The following ZFHX3 variants were observed in gnomAD, a reference collection of about 807,000 sequenced individuals.
ZFHX3 encodes zinc finger homeobox protein 3.
Under a neutral mutation model 279.1 loss-of-function variants are expected in ZFHX3, and 42 were observed. The ratio of observed to expected loss-of-function variants is 0.15; its 90% confidence interval spans 0.12 to 0.19. The LOEUF (loss-of-function observed/expected upper bound fraction) is 0.19. Among genes scored for constraint, ZFHX3 ranks in the 10% least tolerant of loss-of-function variants. ZFHX3 has a pLI of 1.00. For missense variants in ZFHX3, 4,981 were observed against 4,754.0 expected (o/e 1.05, Z -1.40); for synonymous variants, 2,293 against 1,957.8 (o/e 1.17, Z -4.52).
At chr16:73,285,260 G>C (rs1219077730) in intron 4 of ZFHX3, among the ~76,000 whole-genome samples, 1 of 152,212 alleles carries the variant, frequency 6.6e-6, no homozygotes, top group African/African-American at 2.4e-5. Flanking sequence ...GTGAGGCAGT[G>C]CCCACAAGGC....
chr16:73,222,329 C>G (rs895454665), intron 5 of ZFHX3, among the ~76,000 whole-genome samples: 2 of 151,824 alleles, frequency 1.3e-5, no homozygotes, highest in East Asian at 3.9e-4. Flanking sequence ...TGAAAAAAAT[C>G]AACAAAAAGC....
chr16:73,886,644 C>G (rs1567440451), intron 1 of ZFHX3, among the ~76,000 whole-genome samples: 1 of 152,180 alleles, frequency 6.6e-6, no homozygotes, highest in African/African-American at 2.4e-5. Flanking sequence ...CGACACTGAC[C>G]ATTAATCTAG....
chr16:73,610,739 G>C (rs538220541), intron 2 of ZFHX3, among the ~76,000 whole-genome samples: 1 of 152,314 alleles, frequency 6.6e-6, no homozygotes, highest in South Asian at 2.1e-4. Context: ...GATAGAAAGG[G>C]ATTGTTACAT....
intron 1 of ZFHX3, among the ~76,000 whole-genome samples, chr16:72,965,356 G>A (rs913134500): frequency 6.6e-6 from 1 of 152,154 alleles, no homozygotes; most frequent in African/African-American, 2.4e-5. Context: ...GAGAGTGATG[G>A]GGGTGAGGGG....
chr16:72,965,161 G>A (rs1370880111), intron 1 of ZFHX3, among the ~76,000 whole-genome samples: 2 of 152,218 alleles, frequency 1.3e-5, no homozygotes, highest in Non-Finnish European at 1.5e-5. Context: ...TTACAGGCGT[G>A]AGCCACCGCA....
intron 4 of ZFHX3, among the ~76,000 whole-genome samples, chr16:72,869,933 T>A (rs181158803): frequency 2.6e-5 from 4 of 152,158 alleles, no homozygotes; most frequent in Admixed American, 2.6e-4. Context: ...CATGAAACAA[T>A]ACACGAGAAA....
At chr16:73,886,892 A>G (rs1462432323) in intron 1 of ZFHX3, among the ~76,000 whole-genome samples, 1 of 152,250 alleles carries the variant, frequency 6.6e-6, no homozygotes, top group Non-Finnish European at 1.5e-5. Flanking sequence ...CTGAAGGACC[A>G]GTCTGTCACT....
chr16:73,517,295 T>C (rs1290957172), intron 2 of ZFHX3, among the ~76,000 whole-genome samples: 1 of 152,204 alleles, frequency 6.6e-6, no homozygotes, highest in African/African-American at 2.4e-5. Context: ...GGCTCACTCA[T>C]TTCCTTTGCA....
intron 5 of ZFHX3, among the ~76,000 whole-genome samples, chr16:73,161,419 C>T (rs574559299): frequency 2.0e-5 from 3 of 152,294 alleles, no homozygotes; most frequent in South Asian, 2.1e-4. Flanking sequence ...TCACATTCCA[C>T]GTGCATGCTC....
intron 4 of ZFHX3, among the ~76,000 whole-genome samples, chr16:73,289,342 G>A (rs943942794): frequency 3.9e-5 from 6 of 151,964 alleles, no homozygotes; most frequent in Non-Finnish European, 8.8e-5. Flanking sequence ...AGGGTGGGGG[G>A]AGGTAGGTGG....
intron 1 of ZFHX3, among the ~76,000 whole-genome samples, chr16:73,831,314 T>C (rs988851527): frequency 6.6e-6 from 1 of 152,198 alleles, no homozygotes; most frequent in African/African-American, 2.4e-5. Flanking sequence ...GCAGGCCATG[T>C]GTCCACTCCG....
chr16:73,044,350 A>G (rs976728776), intron 1 of ZFHX3, among the ~76,000 whole-genome samples: 13 of 152,218 alleles, frequency 8.5e-5, no homozygotes, highest in African/African-American at 3.1e-4. Flanking sequence ...AGAGCAAGCC[A>G]ACAGGCCCAA....
intron 7 of ZFHX3, among the ~76,000 whole-genome samples, chr16:73,098,041 T>C (rs545972973): frequency 4.6e-5 from 7 of 151,714 alleles, no homozygotes; most frequent in Non-Finnish European, 7.4e-5. Flanking sequence ...TCAACATGAG[T>C]GTACAAGTAT....
At chr16:73,718,617 TA>T (rs879745303) in intron 1 of ZFHX3, among the ~76,000 whole-genome samples, 1,364 of 52,446 alleles carry the variant, frequency 0.026, 8 homozygotes, top group Non-Finnish European at 0.068. Flanking sequence ...ATTTATTATT[TA>T]TTTATTTATT....
Position 73,262,193 on chromosome 16 carries a change from TA to T in ZFHX3, c.-1193-5058del, listed in dbSNP as rs2013846180. Among the ~76,000 whole-genome samples the T allele has an allele frequency of 1.3e-5, 2 of 152,212 alleles. 1 individual carries two copies. The highest frequency in any genetic ancestry group is 4.1e-4 in the South Asian group (2 of 4,826). Reference sequence around the variant, plus strand: ...ATGAAAGAATGAATGGATGGATGGGTAAAGTTATAGGAGAACAAAGATGGGA... The same window carrying T: ...ATGAAAGAATGAATGGATGGATGGGTAAGTTATAGGAGAACAAAGATGGGA... On this transcript the variant is annotated intron_variant, in intron 4 of 17. Transcript: ENST00000641206.
chr16:73,302,233 TC>T (rs1320616622), intron 4 of ZFHX3, among the ~76,000 whole-genome samples: 1 of 152,104 alleles, frequency 6.6e-6, no homozygotes, highest in Non-Finnish European at 1.5e-5. Context: ...TGTATCTTTT[TC>T]CCTTCCTCCC....
At chr16:73,586,704 T>C (rs2051930782) in intron 2 of ZFHX3, among the ~76,000 whole-genome samples, 1 of 152,166 alleles carries the variant, frequency 6.6e-6, no homozygotes, top group Admixed American at 6.5e-5. Flanking sequence ...TCATTTATGT[T>C]ATTGGCAGAT....
At chr16:73,567,182 G>T (rs894816764) in intron 2 of ZFHX3, among the ~76,000 whole-genome samples, 2 of 152,120 alleles carry the variant, frequency 1.3e-5, no homozygotes, top group African/African-American at 4.8e-5. Flanking sequence ...CTAGTCATTG[G>T]ACACTAATCT....
chr16:73,533,191 T>C (rs1056198095), intron 2 of ZFHX3, among the ~76,000 whole-genome samples: 1 of 151,990 alleles, frequency 6.6e-6, no homozygotes, highest in Non-Finnish European at 1.5e-5. Context: ...AAACCATCAA[T>C]GCCTCTTCCC....
Sources: allele counts gnomAD v4.1 joint callset (sites outside exome capture counted in the v4.1 genomes callset), GRCh38; gene constraint gnomAD v4.1.1; transcripts MANE v1.5; gene names NCBI Gene and HGNC (gene_info 2026-07-23, HGNC 2026-07-21).